The following GIGYF2 variants were observed in gnomAD, a reference collection of about 807,000 sequenced individuals.
GIGYF2 encodes the protein GRB10-interacting GYF protein 2.
A neutral mutation model predicts 208.1 loss-of-function variants in GIGYF2; 25 were observed. The observed-to-expected ratio is 0.12, with a 90% CI of 0.09 to 0.17. GIGYF2 has a LOEUF of 0.17. Ranked by LOEUF, GIGYF2 falls within the 10% of genes least tolerant of loss-of-function variation. GIGYF2 has a pLI of 1.00. For synonymous variants in GIGYF2, 534 were observed against 543.8 expected, an observed-to-expected ratio of 0.98 and a Z score of 0.25; for missense variants, 1,302 against 1,579.4, an observed-to-expected ratio of 0.82 and a Z score of 2.98.
chr2:232,785,197 C>G (rs751806066), intron 8 of GIGYF2, among the ~76,000 whole-genome samples: 4 of 152,086 alleles, frequency 2.6e-5, no homozygotes, highest in Non-Finnish European at 5.9e-5. Flanking sequence ...ATTCCAGACA[C>G]GTCCTGCAGG....
At chr2:232,761,642 T>C in intron 8 of GIGYF2, 1 of 423,302 alleles carries the variant, frequency 2.4e-6, no homozygotes, top group Non-Finnish European at 4.3e-6. Context: ...AAGGCATATA[T>C]TCTTTATTAA....
At chr2:232,832,655 T>C (rs1481346219) in intron 21 of GIGYF2, among the ~76,000 whole-genome samples, 1 of 152,180 alleles carries the variant, frequency 6.6e-6, no homozygotes, top group Non-Finnish European at 1.5e-5. Flanking sequence ...TAAAATTTCA[T>C]CCTGTAAGCA....
chr2:232,808,581 C>G (rs2106382055), intron 15 of GIGYF2, among the ~76,000 whole-genome samples: 1 of 151,878 alleles, frequency 6.6e-6, no homozygotes, highest in South Asian at 2.1e-4. Flanking sequence ...TATCGAAAAG[C>G]AAGAAAAACG....
intron 5 of GIGYF2, among the ~76,000 whole-genome samples, chr2:232,754,610 A>G (rs571150911): frequency 1.2e-4 from 18 of 152,190 alleles, no homozygotes; most frequent in Non-Finnish European, 2.4e-4. Context: ...TTATTTCAAT[A>G]TTAGAATATA....
intron 21 of GIGYF2, among the ~76,000 whole-genome samples, chr2:232,824,778 C>G (rs1347589754): frequency 6.6e-6 from 1 of 152,212 alleles, no homozygotes; most frequent in Admixed American, 6.5e-5. Context: ...AAGATATTAT[C>G]TAGGACTTTC....
intron 1 of GIGYF2, among the ~76,000 whole-genome samples, chr2:232,699,833 T>C (rs1020868090): frequency 3.3e-5 from 5 of 152,236 alleles, no homozygotes; most frequent in African/African-American, 1.2e-4. Context: ...GCCCGGAGAC[T>C]CTTCCTCTAA....
At chr2:232,753,555 G>A (rs1698413607) in intron 5 of GIGYF2, among the ~76,000 whole-genome samples, 1 of 152,116 alleles carries the variant, frequency 6.6e-6, no homozygotes, top group African/African-American at 2.4e-5. Context: ...CACCGTGCCT[G>A]GCACTTTACA....
At chr2:232,760,305 C>G in intron 6 of GIGYF2, 175 bp from the exon 7 acceptor site, 1 of 602,966 alleles carries the variant, frequency 1.7e-6, no homozygotes, top group South Asian at 1.9e-5. Flanking sequence ...TGTGGTCCAG[C>G]TACTTCAATG....
At chr2:232,814,478 G>A (rs977365286) in intron 18 of GIGYF2, among the ~76,000 whole-genome samples, 14 of 146,828 alleles carry the variant, frequency 9.5e-5, no homozygotes, top group Non-Finnish European at 1.6e-4. Flanking sequence ...CAGGAGAATC[G>A]CTTGAACCCT....
At chr2:232,780,036 G>A (rs1444760330) in intron 8 of GIGYF2, among the ~76,000 whole-genome samples, 1 of 152,114 alleles carries the variant, frequency 6.6e-6, no homozygotes, top group Non-Finnish European at 1.5e-5. Flanking sequence ...TTCAAAGTCT[G>A]TCCCATAATT....
At chr2:232,771,057 A>C in intron 8 of GIGYF2, 1 of 1,614,120 alleles carries the variant, frequency 6.2e-7, no homozygotes, top group Non-Finnish European at 8.5e-7. Flanking sequence ...AACTGGTGAT[A>C]TACTTGACAC....
chr2:232,767,626 T>G (rs1699030287), intron 8 of GIGYF2: 1 of 159,150 alleles, frequency 6.3e-6, no homozygotes, highest in Non-Finnish European at 1.4e-5. Context: ...CTTTGTTGTT[T>G]TTCTCGTTAA....
At chr2:232,769,733 A>T (rs565119891) in intron 8 of GIGYF2, among the ~76,000 whole-genome samples, 4 of 152,228 alleles carry the variant, frequency 2.6e-5, no homozygotes, top group Non-Finnish European at 5.9e-5. Context: ...GGTAAGGTCT[A>T]AGAAGTAAGT....
intron 23 of GIGYF2, among the ~76,000 whole-genome samples, chr2:232,843,319 G>A (rs962346075): frequency 1.3e-5 from 2 of 151,966 alleles, no homozygotes; most frequent in African/African-American, 2.4e-5. Flanking sequence ...TAGCACTTTG[G>A]GAGGCTGAGG....
Position 232,747,725 on chromosome 2 carries a change from T to A in GIGYF2, c.152T>A (p.Leu51His), listed in dbSNP as rs773969960. ...YRYGREEMLA[L>H]FLKDNKIPSD... Reference sequence around the variant, plus strand: ...TACGGCAGAGAAGAAATGTTAGCACTTTTCCTTAAAGACAACAAGGTAAGA... The same window carrying A: ...TACGGCAGAGAAGAAATGTTAGCACATTTCCTTAAAGACAACAAGGTAAGA... Residue 51 changes from leucine (L) to histidine (H), a missense_variant, in exon 4 of 29, where the codon CTT (leucine) becomes CAT (histidine). By Grantham distance (99) the Leu-to-His change is moderately conservative. Transcript: ENST00000373563. 2 of 1,613,776 alleles carry A rather than the reference T, an allele frequency of 1.2e-6. No individual in the cohort carries two copies.
rs1286901768 is a variant in GIGYF2 at position 232,715,051 on chromosome 2, TGCATTGGTTTGCTAAG to T, written c.-44+11564_-44+11579del. Among the ~76,000 whole-genome samples, 6 of 152,352 alleles carry T rather than the reference TGCATTGGTTTGCTAAG, an allele frequency of 3.9e-5. No individual in the cohort carries two copies. The East Asian group carries it at 1.2e-3, about 29-fold the overall frequency. On this transcript the variant is annotated intron_variant, in intron 2 of 28. Coordinates refer to ENST00000373563, the MANE Select transcript of GIGYF2 (RefSeq NM_001103146.3). Reference sequence around the variant, plus strand: ...CATGCGGTATTTGGTTTTCTGTTCCTGCATTGGTTTGCTAAGGATAATGGTCTTCAGTTCCATCCAT... The same window carrying T: ...CATGCGGTATTTGGTTTTCTGTTCCTGATAATGGTCTTCAGTTCCATCCAT...
rs146940223 is a variant in GIGYF2 at position 232,848,135 on chromosome 2, C to T, written c.3684+564C>T. Among the ~76,000 whole-genome samples the T allele has an allele frequency of 8.7e-3, 1,323 of 152,308 alleles. 35 individuals carry two copies. The highest frequency in any genetic ancestry group is 0.054 in the Admixed American group (828 of 15,300). On this transcript the variant is annotated intron_variant, in intron 27 of 28. Coordinates refer to ENST00000373563, the MANE Select transcript of GIGYF2 (RefSeq NM_001103146.3). Reference sequence around the variant, plus strand: ...AGTCACAATATTTTTCTCACCAGATCAGTACATAACCTTGTTTTATGTGTG... The same window carrying T: ...AGTCACAATATTTTTCTCACCAGATTAGTACATAACCTTGTTTTATGTGTG...
intron 3 of GIGYF2, chr2:232,736,650 A>T (rs1320964593): frequency 6.6e-6 from 1 of 152,356 alleles, no homozygotes; most frequent in Admixed American, 6.5e-5. Flanking sequence ...TTTAATGAAC[A>T]TTCTTATAGT....
In GIGYF2 at chr2:232,844,155, A is replaced by C. The variant is rs752400567; in HGVS notation, c.2999A>C (p.Lys1000Thr). ...GNVSKPSGTT[K>T]SLLEIQQEEA... ...GTCAGCAAACCTTCAGGTACCACGA[A>C]ATCTCTTCTGGAGATCCAGCAGGAA... The change falls in exon 24 of 29, where the codon AAA becomes ACA. Residue 1000 changes from lysine to threonine, a missense_variant. Physicochemically the swap from Lys to Thr is moderately conservative, Grantham distance 78. Transcript: ENST00000373563. 1.3e-6 allele frequency: 2 copies of C among 1,571,766 alleles called. No individual in the cohort carries two copies. Among genetic ancestry groups the C allele is most frequent in the South Asian group, 1.1e-5 (1 of 87,066 alleles).
Sources: gnomAD v4.1 joint callset for allele counts (sites outside exome capture counted in the v4.1 genomes callset) on GRCh38, gnomAD v4.1.1 for gene constraint, MANE v1.5 for transcripts, NCBI Gene and HGNC (gene_info 2026-07-23, HGNC 2026-07-21) for gene names.